Variants in MRTFA observed in about 807,000 individuals in gnomAD.
MRTFA encodes myocardin related transcription factor A.
MRTFA carries 20 observed loss-of-function variants against 83.5 expected under a neutral mutation model. That is an observed-to-expected ratio of 0.24 (90% confidence interval 0.17 to 0.35). The LOEUF is 0.35. Ranked by LOEUF, MRTFA falls within the 10% of genes least tolerant of loss-of-function variation. MRTFA has a pLI of 1.00. For missense variants in MRTFA, 1,200 were observed against 1,224.7 expected, an observed-to-expected ratio of 0.98 and a Z score of 0.30; for synonymous variants, 659 against 541.2, an observed-to-expected ratio of 1.22 and a Z score of -3.02.
At chr22:40,525,315 A>T (rs1011017426) in intron 3 of MRTFA, among the ~76,000 whole-genome samples, 1 of 152,140 alleles carries the variant, frequency 6.6e-6, no homozygotes, top group African/African-American at 2.4e-5. Flanking sequence ...TCCACATTTT[A>T]AAAATTATTT....
chr22:40,507,314 T>G (rs888640180), intron 3 of MRTFA, among the ~76,000 whole-genome samples: 1 of 151,868 alleles, frequency 6.6e-6, no homozygotes, highest in South Asian at 2.1e-4. Flanking sequence ...TGAGCAGTGA[T>G]TGCACCACTG....
chr22:40,613,474 C>G (rs182385918), intron 1 of MRTFA, among the ~76,000 whole-genome samples: 2 of 152,332 alleles, frequency 1.3e-5, no homozygotes, highest in Admixed American at 1.3e-4. Flanking sequence ...AACTACTGCT[C>G]TACATTCTCA....
chr22:40,491,042 A>G (rs968087936), intron 3 of MRTFA, among the ~76,000 whole-genome samples: 34 of 152,188 alleles, frequency 2.2e-4, no homozygotes, highest in African/African-American at 7.5e-4. Context: ...CTTTTCCTGC[A>G]GTATAAGACT....
chr22:40,620,677 C>T (rs73169072), intron 1 of MRTFA, among the ~76,000 whole-genome samples: 15,285 of 151,934 alleles, frequency 0.1, 924 homozygotes, highest in East Asian at 0.25. Context: ...CTGAAGGGAT[C>T]AGGAGTGTGA....
intron 2 of MRTFA, chr22:40,586,915 CTGGTGCTGG>C (rs2056038594): frequency 1.4e-5 from 6 of 437,930 alleles, no homozygotes; most frequent in Non-Finnish European, 9.3e-6. Flanking sequence ...GCTGCTGGTG[CTGGTGCTGG>C]TGCTGCTGCT....
intron 3 of MRTFA, among the ~76,000 whole-genome samples, chr22:40,480,074 C>A (rs1007467360): frequency 1.3e-5 from 2 of 152,238 alleles, no homozygotes; most frequent in South Asian, 2.1e-4. Context: ...TTATTTCTCA[C>A]AACAAAGCTA....
chr22:40,594,292 C>G (rs186049835), intron 2 of MRTFA, among the ~76,000 whole-genome samples: 40 of 152,250 alleles, frequency 2.6e-4, no homozygotes, highest in African/African-American at 8.7e-4. Context: ...AATAAGCTAG[C>G]CTACCATTAC....
At chr22:40,613,847 T>C (rs950683673) in intron 1 of MRTFA, among the ~76,000 whole-genome samples, 2 of 152,068 alleles carry the variant, frequency 1.3e-5, no homozygotes, top group Non-Finnish European at 1.5e-5. Flanking sequence ...GAGGCAAAGG[T>C]TGCAGTGAGC....
At chr22:40,616,592 C>T (rs754662362) in intron 1 of MRTFA, among the ~76,000 whole-genome samples, 2 of 152,012 alleles carry the variant, frequency 1.3e-5, no homozygotes, top group Non-Finnish European at 2.9e-5. Flanking sequence ...ATGGAATGGA[C>T]GTGAGGAGGA....
intron 2 of MRTFA, among the ~76,000 whole-genome samples, chr22:40,559,378 A>G (rs2055580093): frequency 6.6e-6 from 1 of 152,098 alleles, no homozygotes; most frequent in South Asian, 2.1e-4. Context: ...ACGAAGTGAT[A>G]CCCATCCCAG....
intron 1 of MRTFA, among the ~76,000 whole-genome samples, chr22:40,612,758 G>A (rs2056401409): frequency 6.6e-6 from 1 of 152,162 alleles, no homozygotes; most frequent in Non-Finnish European, 1.5e-5. Flanking sequence ...TACCAGCCCG[G>A]ACAACATAGT....
At chr22:40,587,170 T>A in intron 2 of MRTFA, 1 of 460,786 alleles carries the variant, frequency 2.2e-6, no homozygotes, top group South Asian at 1.6e-5. Context: ...GATCATCTTG[T>A]GCATGCAAAG....
chr22:40,487,665 G>C (rs2054195279), intron 3 of MRTFA, among the ~76,000 whole-genome samples: 3 of 152,158 alleles, frequency 2.0e-5, no homozygotes, highest in Admixed American at 6.5e-5. Flanking sequence ...AACATACACT[G>C]AATCTAATCA....
intron 3 of MRTFA, among the ~76,000 whole-genome samples, chr22:40,520,281 A>G (rs1299654716): frequency 1.3e-5 from 2 of 152,242 alleles, no homozygotes; most frequent in African/African-American, 2.4e-5. Flanking sequence ...CATTGCCCCA[A>G]AAATAAACCC....
At chr22:40,627,467 T>C (rs550393441) in intron 1 of MRTFA, among the ~76,000 whole-genome samples, 1 of 152,156 alleles carries the variant, frequency 6.6e-6, no homozygotes, top group South Asian at 2.1e-4. Context: ...ACTATTATAG[T>C]TTTCCACCTC....
rs141945541 is a variant in MRTFA at position 40,626,866 on chromosome 22, A to AACACACACAC, written c.-84+9602_-84+9611dup. On this transcript the variant is annotated intron_variant, in intron 1 of 14. Transcript: ENST00000355630. ...TGTATCAGAATGAGACCCTGTCTCA[A>AACACACACAC]ACACACACACACACACACACACACA... 2.7e-3 allele frequency among the ~76,000 whole-genome samples: 388 copies of AACACACACAC among 145,220 alleles called. 1 individual carries two copies. Among genetic ancestry groups the AACACACACAC allele is most frequent in the Middle Eastern group, 0.01 (3 of 288 alleles).
chr22:40,533,994 G>A (rs1052155857), intron 3 of MRTFA, among the ~76,000 whole-genome samples: 2 of 152,168 alleles, frequency 1.3e-5, no homozygotes, highest in African/African-American at 4.8e-5. Flanking sequence ...CTCTCAAGAA[G>A]AGAAGATGAG....
In MRTFA at chr22:40,418,383, G is replaced by T; in HGVS notation, c.2355C>A (p.Ser785Arg). ...TCCCATACCCAGGTACCTGCTGGGG[G>T]CTCCCACTGGACAGGCCAGGGCTGT... Residue 785 changes from serine (S) to arginine (R), a missense_variant, in exon 12 of 15, where the codon AGC (serine) becomes AGA (arginine). Physicochemically the swap from Ser to Arg is moderately radical, Grantham distance 110 (BLOSUM62 -1). Transcript: ENST00000355630. The T allele has an allele frequency of 6.2e-7, 1 of 1,613,552 alleles. No individual in the cohort carries two copies. Among genetic ancestry groups the T allele is most frequent in the Non-Finnish European group, 8.5e-7 (1 of 1,179,648 alleles).
At position 40,418,876 on chromosome 22, in the gene MRTFA, C is replaced by T. The variant is rs775640702; in HGVS notation, c.1862G>A (p.Arg621His). ...CTCCTGCAGCATCTGGTCCTTGTCG[C>T]GCCCCTCTAGCTCCGCCCGCCCCCC... The change falls in exon 12 of 15, where the codon CGC (arginine) becomes CAC (histidine). Residue 621 changes from arginine to histidine, a missense_variant. By Grantham distance (29) the Arg-to-His change is conservative. Coordinates refer to ENST00000355630, the MANE Select transcript of MRTFA (RefSeq NM_020831.6). 128 of 1,612,478 alleles carry T rather than the reference C, an allele frequency of 7.9e-5. No individual in the cohort carries two copies. The highest frequency in any genetic ancestry group is 4.0e-4 in the Admixed American group (24 of 59,962).
Sources: gnomAD v4.1 joint callset for allele counts (sites outside exome capture counted in the v4.1 genomes callset) on GRCh38, gnomAD v4.1.1 for gene constraint, MANE v1.5 for transcripts, NCBI Gene and HGNC (gene_info 2026-07-23, HGNC 2026-07-21) for gene names.